Variants in CFAP221 observed in about 807,000 individuals in gnomAD.
CFAP221 encodes the protein cilia- and flagella-associated protein 221.
Under a neutral mutation model 113.1 loss-of-function variants are expected in CFAP221, and 97 were observed. The ratio of observed to expected loss-of-function variants is 0.86; its 90% CI spans 0.73 to 1.02. The LOEUF (loss-of-function observed/expected upper bound fraction) is 1.02. Among genes scored for constraint, CFAP221 ranks in the 50% least tolerant of loss-of-function variants. The probability of loss-of-function intolerance (pLI) is 0.00; values close to 1 mark genes in which losing one functional copy is unlikely to be tolerated. For missense variants in CFAP221, 1,025 were observed against 1,013.4 expected (o/e 1.01, Z -0.16); for synonymous variants, 331 against 354.4 (o/e 0.93, Z 0.74).
intron 12 of CFAP221, among the ~76,000 whole-genome samples, chr2:119,610,513 G>A (rs1685076598): frequency 6.6e-6 from 1 of 152,126 alleles, no homozygotes; most frequent in African/African-American, 2.4e-5. Flanking sequence ...CATTATTCTA[G>A]CTAGTGATCT....
At chr2:119,603,499 G>A (rs1351922873) in intron 8 of CFAP221, among the ~76,000 whole-genome samples, 1 of 152,192 alleles carries the variant, frequency 6.6e-6, no homozygotes, top group Non-Finnish European at 1.5e-5. Context: ...TAAATTTGAG[G>A]TTGCTAACAT....
At chr2:119,605,313 A>G (rs1558954443) in intron 11 of CFAP221, 24 bp downstream of exon 11, 2 of 1,543,682 alleles carry the variant, frequency 1.3e-6, no homozygotes, top group East Asian at 4.5e-5. Flanking sequence ...AATTGTTTGT[A>G]TCAAGTGTCA....
rs779507937 is a variant in CFAP221 at position 119,605,231 on chromosome 2, C to G, written c.1075C>G (p.Leu359Val). ...ISKTRQMKEA[L>V]FEQKVRQDIH... ...AAAAACGAGACAGATGAAGGAGGCA[C>G]TCTTTGAACAGAAAGTCAGACAGGA... Residue 359 changes from leucine (L) to valine (V), a missense_variant, in exon 11 of 24, where the codon CTC becomes GTC. By Grantham distance (32) the Leu-to-Val change is conservative (BLOSUM62 1). Coordinates refer to ENST00000413369, the MANE Select transcript of CFAP221 (RefSeq NM_001271049.2). The G allele has an allele frequency of 9.3e-6, 15 of 1,614,050 alleles. No individual in the cohort carries two copies. Among genetic ancestry groups the G allele is most frequent in the Non-Finnish European group, 1.2e-5 (14 of 1,180,034 alleles).
chr2:119,584,373 G>C (rs1231702728), intron 6 of CFAP221, among the ~76,000 whole-genome samples: 1 of 152,120 alleles, frequency 6.6e-6, no homozygotes, highest in East Asian at 1.9e-4. Context: ...GATCACTTGA[G>C]CCCAGGAGTT....
chr2:119,576,377 C>T (rs1374957727), intron 6 of CFAP221, among the ~76,000 whole-genome samples: 1 of 152,152 alleles, frequency 6.6e-6, no homozygotes. Flanking sequence ...TCCATAGGCC[C>T]CAGGGTGTGT....
At chr2:119,634,685 T>C (rs1048465176) in intron 19 of CFAP221, among the ~76,000 whole-genome samples, 1 of 152,174 alleles carries the variant, frequency 6.6e-6, no homozygotes, top group African/African-American at 2.4e-5. Flanking sequence ...TGATAAACCT[T>C]GAGGACATTA....
chr2:119,636,434 A>G (rs1246553412), intron 19 of CFAP221, among the ~76,000 whole-genome samples: 1 of 152,236 alleles, frequency 6.6e-6, no homozygotes, highest in African/African-American at 2.4e-5. Context: ...AAATAGGGGT[A>G]TGTGTGTACC....
chr2:119,656,317 T>C, intron 23 of CFAP221, 45 bp from the exon 24 acceptor site: 1 of 1,541,278 alleles, frequency 6.5e-7, no homozygotes, highest in Non-Finnish European at 9.0e-7. Flanking sequence ...TGCGTGGTTT[T>C]ATTAAGTGTC....
At chr2:119,575,437 T>A (rs1299784833) in intron 6 of CFAP221, among the ~76,000 whole-genome samples, 2 of 152,224 alleles carry the variant, frequency 1.3e-5, no homozygotes, top group African/African-American at 4.8e-5. Context: ...TATTGTCAAA[T>A]GTGTTAATTA....
At chr2:119,582,063 A>G (rs1406208148) in intron 6 of CFAP221, among the ~76,000 whole-genome samples, 1 of 152,238 alleles carries the variant, frequency 6.6e-6, no homozygotes, top group Non-Finnish European at 1.5e-5. Flanking sequence ...GGGAAAATAA[A>G]CAGTCAACCT....
At chr2:119,550,155 G>T (rs895160690) in intron 3 of CFAP221, among the ~76,000 whole-genome samples, 3 of 152,252 alleles carry the variant, frequency 2.0e-5, no homozygotes, top group Non-Finnish European at 2.9e-5. Context: ...CTCTGCCTTT[G>T]TGTGTGATGT....
intron 2 of CFAP221, among the ~76,000 whole-genome samples, chr2:119,547,415 T>C (rs1680124482): frequency 6.6e-6 from 1 of 151,926 alleles, no homozygotes; most frequent in Non-Finnish European, 1.5e-5. Context: ...AAAAATTAGC[T>C]GTGTGTGGTG....
Position 119,649,575 on chromosome 2 carries a change from G to A in CFAP221, c.2319-2399G>A, listed in dbSNP as rs556720580. On this transcript the variant is annotated intron_variant, in intron 22 of 23. Coordinates refer to ENST00000413369, the MANE Select transcript of CFAP221 (RefSeq NM_001271049.2). ...AATAAACAGAAGCCTAGGATCCAGG[G>A]TGAGCCAGTCCACCAAGGCTTAGTG... is the stretch of plus-strand genomic sequence containing the variant. 2.4e-4 allele frequency among the ~76,000 whole-genome samples: 36 copies of A among 152,306 alleles called. 1 individual carries two copies. The South Asian group carries it at 6.8e-3, about 29-fold the overall frequency.
chr2:119,578,284 A>G (rs1252447001), intron 6 of CFAP221, among the ~76,000 whole-genome samples: 1 of 152,256 alleles, frequency 6.6e-6, no homozygotes, highest in African/African-American at 2.4e-5. Flanking sequence ...GGAAGAACAC[A>G]TAGACTCCAC....
At chr2:119,654,433 C>T (rs894757306) in intron 23 of CFAP221, among the ~76,000 whole-genome samples, 3 of 151,666 alleles carry the variant, frequency 2.0e-5, no homozygotes, top group Non-Finnish European at 4.4e-5. Flanking sequence ...CAAATATTAC[C>T]TCTGGACATA....
Position 119,630,605 on chromosome 2 carries a change from A to C in CFAP221, c.1767A>C (p.Pro589=). The C allele has an allele frequency of 6.2e-7, 1 of 1,613,822 alleles. No homozygotes were observed. Among genetic ancestry groups the C allele is most frequent in the Non-Finnish European group, 8.5e-7 (1 of 1,179,666 alleles). Residue 589 remains proline (P), a synonymous_variant, in exon 18 of 24, where the codon CCA becomes CCC. Coordinates refer to ENST00000413369, the MANE Select transcript of CFAP221 (RefSeq NM_001271049.2). ...TGTACAAAATTAAGAGATATCAGCC[A>C]TTCTCTGTCCACAAGTCTTCAACAA... is the stretch of plus-strand genomic sequence containing the variant. The part of the protein sequence containing the change: ...PQLYKIKRYQ[P]FSVHKSSTSY...
intron 6 of CFAP221, among the ~76,000 whole-genome samples, chr2:119,567,867 A>G (rs1233078624): frequency 1.3e-5 from 2 of 151,966 alleles, no homozygotes; most frequent in East Asian, 1.9e-4. Context: ...ATCTTCCACT[A>G]TTTATCTTCC....
At chr2:119,610,907 T>C (rs1162397333) in intron 12 of CFAP221, among the ~76,000 whole-genome samples, 1 of 152,082 alleles carries the variant, frequency 6.6e-6, no homozygotes, top group African/African-American at 2.4e-5. Context: ...CAGACACATA[T>C]AGACACTGAA....
chr2:119,606,144 C>G (rs904109600), intron 11 of CFAP221, among the ~76,000 whole-genome samples: 1 of 151,992 alleles, frequency 6.6e-6, no homozygotes, highest in Non-Finnish European at 1.5e-5. Flanking sequence ...GCTGGGAGCA[C>G]AGGTGCGTGC....
Sources: allele counts gnomAD v4.1 joint callset (sites outside exome capture counted in the v4.1 genomes callset), GRCh38; gene constraint gnomAD v4.1.1; transcripts MANE v1.5; gene names NCBI Gene and HGNC (gene_info 2026-07-23, HGNC 2026-07-21).